Variants in GRB10 observed in about 807,000 individuals in gnomAD.
The protein encoded by GRB10 is growth factor receptor bound protein 10.
GRB10 carries 20 observed loss-of-function variants against 80.9 expected under a neutral mutation model. The observed-to-expected ratio is 0.25, with a 90% CI of 0.17 to 0.36. The LOEUF is 0.36. Ranked by LOEUF, GRB10 falls within the 10% of genes least tolerant of loss-of-function variation. GRB10 has a pLI of 1.00. For missense variants in GRB10, 548 were observed against 747.7 expected (o/e 0.73, Z 3.12); for synonymous variants, 291 against 291.5 (o/e 1.00, Z 0.02).
intron 5 of GRB10, among the ~76,000 whole-genome samples, chr7:50,680,076 T>C (rs1027148572): frequency 6.6e-6 from 1 of 152,216 alleles, no homozygotes; most frequent in Admixed American, 6.5e-5. Flanking sequence ...TTCTCTATCA[T>C]ATTTATGGTA....
chr7:50,696,398 C>T (rs919125620), intron 5 of GRB10, among the ~76,000 whole-genome samples: 1 of 152,200 alleles, frequency 6.6e-6, no homozygotes, highest in Non-Finnish European at 1.5e-5. Context: ...ACAAAGAAGG[C>T]ACTGTTGTCC....
At chr7:50,731,500 C>A (rs1378075659) in intron 4 of GRB10, among the ~76,000 whole-genome samples, 1 of 152,170 alleles carries the variant, frequency 6.6e-6, no homozygotes, top group Non-Finnish European at 1.5e-5. Flanking sequence ...CGAAAAGTCA[C>A]AGGCCTGGGA....
chr7:50,790,542 G>A (rs1007202566), intron 1 of GRB10, among the ~76,000 whole-genome samples: 1 of 152,226 alleles, frequency 6.6e-6, no homozygotes, highest in Non-Finnish European at 1.5e-5. Context: ...CGGGGATTAC[G>A]GAGCAAACGT....
chr7:50,701,389 C>T (rs540723424), intron 5 of GRB10, among the ~76,000 whole-genome samples: 4 of 152,092 alleles, frequency 2.6e-5, no homozygotes, highest in African/African-American at 4.8e-5. Flanking sequence ...TTGGGGAGTT[C>T]GAGACAAGCC....
At chr7:50,608,202 A>G (rs911061571) in intron 13 of GRB10, among the ~76,000 whole-genome samples, 2 of 152,236 alleles carry the variant, frequency 1.3e-5, no homozygotes, top group South Asian at 4.1e-4. Flanking sequence ...AACAGACACA[A>G]AGAAAATGTC....
At chr7:50,627,227 A>G (rs1029668643) in intron 7 of GRB10, among the ~76,000 whole-genome samples, 7 of 152,150 alleles carry the variant, frequency 4.6e-5, no homozygotes, top group African/African-American at 1.4e-4. Context: ...TGCCCAGGAC[A>G]ACTCATGGGA....
chr7:50,751,494 T>C (rs570368559), intron 3 of GRB10, among the ~76,000 whole-genome samples: 1 of 152,274 alleles, frequency 6.6e-6, no homozygotes, highest in South Asian at 2.1e-4. Flanking sequence ...ATAAAATAAA[T>C]TGATTCCTTT....
chr7:50,689,035 G>A (rs764551696), intron 5 of GRB10, among the ~76,000 whole-genome samples: 71 of 152,284 alleles, frequency 4.7e-4, no homozygotes, highest in Non-Finnish European at 8.2e-4. Flanking sequence ...CAGACAATTT[G>A]CCTTCATCTC....
intron 3 of GRB10, among the ~76,000 whole-genome samples, chr7:50,753,773 A>G (rs2074559612): frequency 6.6e-6 from 1 of 152,244 alleles, no homozygotes; most frequent in Non-Finnish European, 1.5e-5. Flanking sequence ...TGCCATGTCC[A>G]TGCCAAGCAG....
upstream of GRB10, among the ~76,000 whole-genome samples, chr7:50,784,616 G>C (rs1291396293): frequency 2.0e-5 from 3 of 152,236 alleles, no homozygotes; most frequent in Non-Finnish European, 2.9e-5. Context: ...AAGAGCAAGA[G>C]AGAAATGATC....
intron 5 of GRB10, among the ~76,000 whole-genome samples, chr7:50,693,656 C>T (rs2063089767): frequency 6.6e-6 from 1 of 152,188 alleles, no homozygotes; most frequent in South Asian, 2.1e-4. Context: ...GTTTTGATTC[C>T]AGCTCAGGAG....
intron 8 of GRB10, among the ~76,000 whole-genome samples, chr7:50,624,322 G>A (rs1055265581): frequency 6.6e-6 from 1 of 152,226 alleles, no homozygotes; most frequent in Non-Finnish European, 1.5e-5. Context: ...TGATAAAGAA[G>A]AAGCCCCTGT....
intron 5 of GRB10, among the ~76,000 whole-genome samples, chr7:50,698,423 ATTC>A (rs2063724736): frequency 6.6e-6 from 1 of 152,224 alleles, no homozygotes; most frequent in African/African-American, 2.4e-5. Flanking sequence ...CTATTCATTA[ATTC>A]TTGTCATTCA....
chr7:50,604,176 C>T, intron 16 of GRB10, 91 bp from the exon 17 acceptor site: 1 of 1,287,942 alleles, frequency 7.8e-7, no homozygotes, highest in South Asian at 1.2e-5. Context: ...CAACTCAGAG[C>T]CCCTGACTCC....
intron 5 of GRB10, among the ~76,000 whole-genome samples, chr7:50,694,658 A>C (rs1413627108): frequency 6.6e-6 from 1 of 152,156 alleles, no homozygotes; most frequent in East Asian, 1.9e-4. Flanking sequence ...TGATTACTGA[A>C]GCCTGTCTTC....
chr7:50,781,865 C>T (rs975202003), intron 1 of GRB10, among the ~76,000 whole-genome samples: 1 of 152,230 alleles, frequency 6.6e-6, no homozygotes, highest in Non-Finnish European at 1.5e-5. Flanking sequence ...CTGATATGCA[C>T]CTTCCAGGGA....
chr7:50,719,915 G>A (rs1315330315), intron 4 of GRB10, among the ~76,000 whole-genome samples: 5 of 151,280 alleles, frequency 3.3e-5, no homozygotes, highest in East Asian at 3.9e-4. Context: ...TGCATGCTAC[G>A]CAGGATCTCT....
intron 1 of GRB10, chr7:50,780,985 G>A (rs2078214729): frequency 1.3e-5 from 2 of 152,192 alleles, no homozygotes; most frequent in Admixed American, 6.5e-5. Context: ...AGCAACTGGT[G>A]ATGGAAATCC....
chr7:50,621,085 G>A (rs2051633950), intron 8 of GRB10, among the ~76,000 whole-genome samples: 2 of 152,234 alleles, frequency 1.3e-5, no homozygotes, highest in African/African-American at 4.8e-5. Flanking sequence ...AAAGAACCCT[G>A]AGGAGAGCCA....
Sources: gnomAD v4.1 joint callset for allele counts (sites outside exome capture counted in the v4.1 genomes callset) on GRCh38, gnomAD v4.1.1 for gene constraint, MANE v1.5 for transcripts, NCBI Gene and HGNC (gene_info 2026-07-23, HGNC 2026-07-21) for gene names.